Variants in NCOA1 observed in about 807,000 individuals in gnomAD.
NCOA1 encodes Hin-2 protein.
A neutral mutation model predicts 150.9 loss-of-function variants in NCOA1; 35 were observed. The observed-to-expected ratio is 0.23, with a 90% CI of 0.18 to 0.31. NCOA1 has a LOEUF of 0.31. NCOA1 is among the 10% of genes least tolerant of loss of function. The pLI, the probability that NCOA1 is intolerant of heterozygous loss-of-function variation, is 1.00. For synonymous variants in NCOA1, 590 were observed against 630.0 expected (o/e 0.94, Z 0.95); for missense variants, 1,491 against 1,749.3 (o/e 0.85, Z 2.63).
intron 19 of NCOA1, among the ~76,000 whole-genome samples, chr2:24,750,590 A>G (rs1416270560): frequency 2.0e-5 from 3 of 152,232 alleles, no homozygotes; most frequent in Non-Finnish European, 2.9e-5. Flanking sequence ...AAGACCATGT[A>G]TGGCTACATT....
chr2:24,536,003 C>T (rs1489604186), intron 1 of NCOA1, among the ~76,000 whole-genome samples: 2 of 152,164 alleles, frequency 1.3e-5, no homozygotes, highest in Admixed American at 6.5e-5. Flanking sequence ...GCCTGCCTTG[C>T]TAGGTTGGGG....
chr2:24,597,853 T>C (rs1236665604), intron 3 of NCOA1, among the ~76,000 whole-genome samples: 1 of 152,194 alleles, frequency 6.6e-6, no homozygotes, highest in Non-Finnish European at 1.5e-5. Flanking sequence ...TACGTATATA[T>C]GTGCCATATT....
chr2:24,649,055 A>G (rs566031409), intron 4 of NCOA1, among the ~76,000 whole-genome samples: 67 of 152,114 alleles, frequency 4.4e-4, no homozygotes, highest in African/African-American at 1.6e-3. Context: ...GTTAGTAAAA[A>G]GAGGCAGACA....
Position 24,707,439 on chromosome 2 carries a change from G to T in NCOA1, c.1969G>T (p.Val657Phe), listed in dbSNP as rs1673506331. The T allele has an allele frequency of 1.2e-6, 2 of 1,614,212 alleles. No homozygotes were observed. The highest frequency in any genetic ancestry group is 1.7e-6 in the Non-Finnish European group (2 of 1,180,030). Residue 657 changes from valine (V) to phenylalanine (F), a missense_variant, in exon 13 of 23, where the codon GTC becomes TTC. By Grantham distance (50) the Val-to-Phe change is conservative (BLOSUM62 -1). This residue lies in a region of NCOA1 where 703 missense variants were observed against 717.7 expected (regional missense o/e 0.98). Transcript: ENST00000348332. ...HADIDTSCKD[V>F]LSCTGTSNSA... ...TGATATAGACACAAGCTGCAAAGAT[G>T]TCCTGTCTTGCACAGGCACTTCCAA...
chr2:24,664,580 C>T (rs1258814043), intron 5 of NCOA1, among the ~76,000 whole-genome samples: 17 of 151,998 alleles, frequency 1.1e-4, no homozygotes, highest in Middle Eastern at 6.8e-3. Flanking sequence ...TGGTGGCGTG[C>T]GCCTGTAGTC....
chr2:24,700,768 A>G (rs1673119995), intron 11 of NCOA1, among the ~76,000 whole-genome samples: 1 of 152,160 alleles, frequency 6.6e-6, no homozygotes. Context: ...CCCTGATAAG[A>G]TAGATTTATC....
rs1041622258 is a variant in NCOA1, at chr2:24,536,378, C to T, written c.-395-27917C>T. Among the ~76,000 whole-genome samples the T allele has an allele frequency of 2.0e-5, 3 of 152,136 alleles. No individual in the cohort carries two copies. In the East Asian group the frequency reaches 5.8e-4, roughly 29 times the overall value. The stretch of plus-strand genomic sequence containing the variant: ...AACCTTTTTTCAAGGTTTTTAGCTT[C>T]CTTGCAATGGGTTAGAACATGCTCC... On this transcript the variant is annotated intron_variant, in intron 1 of 22. Transcript: ENST00000348332.
intron 10 of NCOA1, 33 bp downstream of exon 10, chr2:24,693,380 G>A: frequency 6.5e-7 from 1 of 1,549,960 alleles, no homozygotes; most frequent in East Asian, 2.2e-5. Flanking sequence ...TGTTCCATAG[G>A]TATTAATAAT....
At chr2:24,566,168 A>T (rs539161730) in intron 2 of NCOA1, among the ~76,000 whole-genome samples, 1 of 152,344 alleles carries the variant, frequency 6.6e-6, no homozygotes, top group African/African-American at 2.4e-5. Flanking sequence ...CAAAGGGAAC[A>T]GGAGCTTTAT....
chr2:24,512,044 C>T (rs1042033674), intron 1 of NCOA1, among the ~76,000 whole-genome samples: 1 of 152,144 alleles, frequency 6.6e-6, no homozygotes, highest in South Asian at 2.1e-4. Flanking sequence ...CGACTCCCTG[C>T]TAAGTATTTG....
chr2:24,593,737 T>TG (rs1470563957), intron 3 of NCOA1, among the ~76,000 whole-genome samples: 1 of 152,190 alleles, frequency 6.6e-6, no homozygotes, highest in African/African-American at 2.4e-5. Context: ...TGGCAAGTTT[T>TG]GGGAGTAAAA....
intron 17 of NCOA1, among the ~76,000 whole-genome samples, chr2:24,737,494 C>T (rs1035741551): frequency 1.3e-5 from 2 of 152,190 alleles, no homozygotes; most frequent in African/African-American, 2.4e-5. Context: ...TGTACATTAT[C>T]TCACAATTCA....
chr2:24,700,934 A>T (rs1324371978), intron 11 of NCOA1, among the ~76,000 whole-genome samples: 1 of 152,250 alleles, frequency 6.6e-6, no homozygotes, highest in Non-Finnish European at 1.5e-5. Flanking sequence ...TTTATGGGTA[A>T]TCCCACTTTA....
chr2:24,508,932 G>A (rs1429003151), intron 1 of NCOA1, among the ~76,000 whole-genome samples: 2 of 152,192 alleles, frequency 1.3e-5, no homozygotes, highest in Non-Finnish European at 2.9e-5. Context: ...ATGTTGTCTA[G>A]AAGAAAATGG....
At chr2:24,578,094 T>C (rs2148299999) in intron 2 of NCOA1, among the ~76,000 whole-genome samples, 1 of 152,298 alleles carries the variant, frequency 6.6e-6, no homozygotes, top group South Asian at 2.1e-4. Context: ...TTTTTGGATT[T>C]TATTTCTGAT....
chr2:24,535,080 G>A (rs973716062), intron 1 of NCOA1, among the ~76,000 whole-genome samples: 45 of 152,150 alleles, frequency 3.0e-4, no homozygotes, highest in African/African-American at 1.1e-3. Flanking sequence ...TTATGTGGGA[G>A]TCTAAGTCTC....
rs56404318 is a variant in NCOA1, at chr2:24,623,212, T to C, written c.-174-20754T>C. Among the ~76,000 whole-genome samples the C allele has an allele frequency of 6.2e-3, 948 of 152,296 alleles. 12 individuals are homozygous for C. Among genetic ancestry groups the C allele is most frequent in the African/African-American group, 0.021 (870 of 41,568 alleles). ...TGTAAGGTCAAACAAGTGATGAATA[T>C]TCAAAGGACTAAAAGAAGTTAGAGG... is the stretch of plus-strand genomic sequence containing the variant. On this transcript the variant is annotated intron_variant, in intron 3 of 22. Coordinates refer to ENST00000348332, the MANE Select transcript of NCOA1 (RefSeq NM_003743.5).
intron 17 of NCOA1, among the ~76,000 whole-genome samples, chr2:24,735,501 G>T (rs1447463087): frequency 6.6e-6 from 1 of 151,932 alleles, no homozygotes; most frequent in African/African-American, 2.4e-5. Flanking sequence ...GAATTTTAAG[G>T]TCAGTTTAAA....
At chr2:24,762,533 A>G (rs954691823) in intron 21 of NCOA1, among the ~76,000 whole-genome samples, 154 bp from the exon 22 acceptor site, 2 of 152,228 alleles carry the variant, frequency 1.3e-5, no homozygotes, top group African/African-American at 2.4e-5. Flanking sequence ...GGGAATGACT[A>G]TCCTGACTTG....
Sources: gnomAD v4.1 joint callset for allele counts (sites outside exome capture counted in the v4.1 genomes callset) on GRCh38, gnomAD v4.1.1 for gene constraint, gnomAD v4.1.1 regional missense constraint, MANE v1.5 for transcripts, NCBI Gene and HGNC (gene_info 2026-07-23, HGNC 2026-07-21) for gene names.